The following WNT1 variants were observed in gnomAD, a reference collection of about 807,000 sequenced individuals.
WNT1 encodes Wnt family member 1.
A neutral mutation model predicts 21.3 loss-of-function variants in WNT1; 10 were observed. The ratio of observed to expected loss-of-function variants is 0.47; its 90% CI spans 0.29 to 0.80. The LOEUF (loss-of-function observed/expected upper bound fraction) is 0.80, where lower values mean the gene tolerates loss of function less well. Among genes scored for constraint, WNT1 ranks in the 30% least tolerant of loss-of-function variants. The probability of loss-of-function intolerance (pLI) is 0.09; values close to 1 mark genes in which losing one functional copy is unlikely to be tolerated. For synonymous variants in WNT1, 208 were observed against 236.3 expected (o/e 0.88, Z 1.10); for missense variants, 476 against 534.1 (o/e 0.89, Z 1.07).
Position 48,979,422 on chromosome 12 carries a change from G to A in WNT1, c.105-46G>A, listed in dbSNP as rs1940980700. 6.4e-7 allele frequency: 1 copy of A among 1,553,976 alleles called. No homozygotes were observed. The highest frequency in any genetic ancestry group is 8.7e-7 in the Non-Finnish European group (1 of 1,145,578). On this transcript the variant is annotated intron_variant, in intron 1 of 3. Coordinates refer to ENST00000293549, the MANE Select transcript of WNT1 (RefSeq NM_005430.4). The surrounding 1 kb of genome is among the most constrained non-coding windows in gnomAD (Gnocchi z 6.0). ...CGGGTGGCACAGTTTTTATGGTTAG[G>A]GTGCGGATCCCCTTCCTGAGCCTGA...
chr12:48,981,794 C>A lies in WNT1; in HGVS notation c.*154C>A. ...ATCCCATCTCTCCCACTTCCTCCTA[C>A]CTGGGGACTCCTCAAACCACTTGCC... On this transcript the variant is annotated 3_prime_UTR_variant, in exon 4 of 4. Transcript: ENST00000293549. The surrounding 1 kb of genome is among the most constrained non-coding windows in gnomAD (Gnocchi z 7.4). 1 of 1,108,992 alleles carries A rather than the reference C, an allele frequency of 9.0e-7. No homozygotes were observed. The highest frequency in any genetic ancestry group is 1.2e-6 in the Non-Finnish European group (1 of 825,876). 68.7% of individuals were successfully genotyped at this position (1,108,992 alleles called of 1,614,324 possible).
In WNT1 at chr12:48,979,578, T is replaced by C. The variant is rs977301761; in HGVS notation, c.215T>C (p.Ile72Thr). 5 of 1,614,172 alleles carry C rather than the reference T, an allele frequency of 3.1e-6. No individual in the cohort carries two copies. The highest frequency in any genetic ancestry group is 4.2e-6 in the Non-Finnish European group (5 of 1,180,046). ...TTGAGCCGCAAACAGCGGCGTCTGA[T>C]ACGCCAAAATCCGGGGATCCTGCAC... ...QLLSRKQRRL[I>T]RQNPGILHSV... The change falls in exon 2 of 4, where the codon ATA becomes ACA. Residue 72 changes from isoleucine (I) to threonine (T), a missense_variant. By Grantham distance (89) the Ile-to-Thr change is moderately conservative (BLOSUM62 -1). Coordinates refer to ENST00000293549, the MANE Select transcript of WNT1 (RefSeq NM_005430.4). The surrounding 1 kb of genome is among the most constrained non-coding windows in gnomAD (Gnocchi z 6.0).
In WNT1 at chr12:48,980,391, C is replaced by T. The variant is rs748901760; in HGVS notation, c.359-33C>T. ...AGGGTGCTGGCCGCGCCCCGCGTAC[C>T]CCCTCGCTGATCCCCGCTCCCTTCT... On this transcript the variant is annotated intron_variant, in intron 2 of 3. Transcript: ENST00000293549. The surrounding 1 kb of genome is among the most constrained non-coding windows in gnomAD (Gnocchi z 7.0). 6.2e-7 allele frequency: 1 copy of T among 1,613,442 alleles called. No individual in the cohort carries two copies. The highest frequency in any genetic ancestry group is 1.1e-5 in the South Asian group (1 of 91,004).
Position 48,981,014 on chromosome 12 carries a change from G to A in WNT1, c.625-138G>A. 7.2e-7 allele frequency: 1 copy of A among 1,384,424 alleles called. No homozygotes were observed. Among genetic ancestry groups the A allele is most frequent in the Non-Finnish European group, 9.6e-7 (1 of 1,037,858 alleles). 85.8% of individuals were successfully genotyped at this position (1,384,424 alleles called of 1,614,324 possible). A position where few individuals can be genotyped will look rare whatever the true frequency, so the allele number is the denominator to read the frequency against. ...TCCAAATCTCAGCGGAACATTTCGC[G>A]CCTCCCTTCCCCTGGGCTCAGCTAG... On this transcript the variant is annotated intron_variant, in intron 3 of 3. Transcript: ENST00000293549. This position sits in a 1 kb window ranked among gnomAD's most constrained non-coding sequence, Gnocchi z 7.4.
Position 48,981,241 on chromosome 12 carries a change from G to C in WNT1, c.714G>C (p.Thr238=). The change falls in exon 4 of 4, where the codon ACG becomes ACC. Residue 238 remains threonine, a synonymous_variant. Transcript: ENST00000293549. This position sits in a 1 kb window ranked among gnomAD's most constrained non-coding sequence, Gnocchi z 7.4. ...TVRTCWMRLP[T]LRAVGDVLRD... Reference sequence around the variant, plus strand: ...GCACGTGCTGGATGCGGCTGCCCACGCTGCGCGCCGTGGGCGATGTGCTGC... The same window carrying C: ...GCACGTGCTGGATGCGGCTGCCCACCCTGCGCGCCGTGGGCGATGTGCTGC... 6.2e-7 allele frequency: 1 copy of C among 1,609,428 alleles called. No homozygotes were observed. The highest frequency in any genetic ancestry group is 8.5e-7 in the Non-Finnish European group (1 of 1,178,196).
Position 48,978,397 on chromosome 12 carries a change from C to G in WNT1, c.-254C>G, listed in dbSNP as rs1033330803. On this transcript the variant is annotated 5_prime_UTR_variant, in exon 1 of 4. Coordinates refer to ENST00000293549, the MANE Select transcript of WNT1 (RefSeq NM_005430.4). The surrounding 1 kb of genome is among the most constrained non-coding windows in gnomAD (Gnocchi z 7.4). ...ACCGGTGCGCCCTGGTGCCACAGTG[C>G]GGCCCGGAGGGGCAGCCTCCTCCCG... 7 of 539,350 alleles carry G rather than the reference C, an allele frequency of 1.3e-5. No individual in the cohort carries two copies. The highest frequency in any genetic ancestry group is 2.3e-5 in the Non-Finnish European group (7 of 303,556). The allele number at this position is 539,350 out of a possible 1,614,324, so 33.4% of individuals were successfully genotyped here.
In WNT1 at chr12:48,978,772, G is replaced by A. The variant is rs374402651; in HGVS notation, c.104+18G>A. On this transcript the variant is annotated intron_variant, in intron 1 of 3. Transcript: ENST00000293549. The surrounding 1 kb of genome is among the most constrained non-coding windows in gnomAD (Gnocchi z 7.4). ...CGATGGTGGTAAGTGAGCTGGTGCGGGGTCGCCACTTGTCCCGCGGCACAG... is the reference window on the plus strand; with the variant it reads ...CGATGGTGGTAAGTGAGCTGGTGCGAGGTCGCCACTTGTCCCGCGGCACAG... 1 of 1,555,052 alleles carries A rather than the reference G, an allele frequency of 6.4e-7. No individual in the cohort carries two copies. The highest frequency in any genetic ancestry group is 2.3e-5 in the East Asian group (1 of 43,316).
In WNT1 at chr12:48,980,779, G is replaced by T; in HGVS notation, c.624+90G>T. On this transcript the variant is annotated intron_variant, in intron 3 of 3. Transcript: ENST00000293549. The surrounding 1 kb of genome is among the most constrained non-coding windows in gnomAD (Gnocchi z 7.0). Reference sequence around the variant, plus strand: ...GACGGTCGGTGAGATAAGGCAAGGGGCACCAGGAGAGGGCGTCCTGGGAGA... The same window carrying T: ...GACGGTCGGTGAGATAAGGCAAGGGTCACCAGGAGAGGGCGTCCTGGGAGA... 1 of 1,456,246 alleles carries T rather than the reference G, an allele frequency of 6.9e-7. No homozygotes were observed. Among genetic ancestry groups the T allele is most frequent in the Non-Finnish European group, 9.1e-7 (1 of 1,103,570 alleles). 90.2% of individuals were successfully genotyped at this position (1,456,246 alleles called of 1,614,324 possible). A position where few individuals can be genotyped will look rare whatever the true frequency, so the allele number is the denominator to read the frequency against.
At position 48,981,763 on chromosome 12, in the gene WNT1, A is replaced by G; in HGVS notation, c.*123A>G. On this transcript the variant is annotated 3_prime_UTR_variant, in exon 4 of 4. Transcript: ENST00000293549. This position sits in a 1 kb window ranked among gnomAD's most constrained non-coding sequence, Gnocchi z 7.4. ...CCTCCAGTCACACTCCCCGCGGTTCATACGCATCCCATCTCTCCCACTTCC... is the reference window on the plus strand; with the variant it reads ...CCTCCAGTCACACTCCCCGCGGTTCGTACGCATCCCATCTCTCCCACTTCC... 7.7e-7 allele frequency: 1 copy of G among 1,301,858 alleles called. No homozygotes were observed. The highest frequency in any genetic ancestry group is 1.0e-6 in the Non-Finnish European group (1 of 997,190). 80.6% of individuals were successfully genotyped at this position (1,301,858 alleles called of 1,614,324 possible).
Position 48,981,334 on chromosome 12 carries a change from G to T in WNT1, c.807G>T (p.Ala269=), listed in dbSNP as rs746112723. The change falls in exon 4 of 4, where the codon GCG becomes GCT. Residue 269 remains alanine, a synonymous_variant. Transcript: ENST00000293549. The surrounding 1 kb of genome is among the most constrained non-coding windows in gnomAD (Gnocchi z 7.4). ...GNRGSNRASR[A]ELLRLEPEDP... ...GCGGCAGCAACCGCGCTTCGCGGGCGGAGCTGCTGCGCCTGGAGCCGGAAG... is the reference window on the plus strand; with the variant it reads ...GCGGCAGCAACCGCGCTTCGCGGGCTGAGCTGCTGCGCCTGGAGCCGGAAG... 1.9e-6 allele frequency: 3 copies of T among 1,564,422 alleles called. No individual in the cohort carries two copies. Among genetic ancestry groups the T allele is most frequent in the East Asian group, 2.4e-5 (1 of 41,530 alleles).
Position 48,981,146 on chromosome 12 carries a change from C to G in WNT1, c.625-6C>G. The G allele has an allele frequency of 3.1e-6, 5 of 1,611,056 alleles. No individual in the cohort carries two copies. Among genetic ancestry groups the G allele is most frequent in the Non-Finnish European group, 3.4e-6 (4 of 1,179,204 alleles). The stretch of plus-strand genomic sequence containing the variant: ...TGGGACACTCTTTCTTCCCCTATCC[C>G]CGCAGACCGTATTCTCCGAGATGCG... On this transcript the variant is annotated splice_polypyrimidine_tract_variant and splice_region_variant and intron_variant, in intron 3 of 3. Coordinates refer to ENST00000293549, the MANE Select transcript of WNT1 (RefSeq NM_005430.4). The surrounding 1 kb of genome is among the most constrained non-coding windows in gnomAD (Gnocchi z 7.4).
Position 48,982,592 on chromosome 12 carries a change from C to A in WNT1, c.*952C>A, listed in dbSNP as rs962968841. ...CCCACCAGTGTAGCATCTTCCTCTG[C>A]AGAATAAAATCTCTATTTTTATCGA... is the stretch of plus-strand genomic sequence containing the variant. On this transcript the variant is annotated 3_prime_UTR_variant, in exon 4 of 4. Coordinates refer to ENST00000293549, the MANE Select transcript of WNT1 (RefSeq NM_005430.4). Among the ~76,000 whole-genome samples the A allele has an allele frequency of 9.2e-5, 14 of 152,204 alleles. No homozygotes were observed. The highest frequency in any genetic ancestry group is 3.4e-4 in the African/African-American group (14 of 41,446).
At position 48,979,628 on chromosome 12, in the gene WNT1, G is replaced by C; in HGVS notation, c.265G>C (p.Ala89Pro). ...CAGCGTGAGTGGGGGGCTGCAGAGT[G>C]CCGTGCGCGAGTGCAAGTGGCAGTT... ...LHSVSGGLQS[A>P]VRECKWQFRN... Residue 89 changes from alanine (A) to proline (P), a missense_variant, in exon 2 of 4, where the codon GCC becomes CCC. Transcript: ENST00000293549. This position sits in a 1 kb window ranked among gnomAD's most constrained non-coding sequence, Gnocchi z 6.0. The C allele has an allele frequency of 6.2e-7, 1 of 1,613,974 alleles. No homozygotes were observed. Among genetic ancestry groups the C allele is most frequent in the Non-Finnish European group, 8.5e-7 (1 of 1,179,968 alleles).
At position 48,980,247 on chromosome 12, in the gene WNT1, G is replaced by T. The variant is rs1021244897; in HGVS notation, c.359-177G>T. 6.6e-6 allele frequency among the ~76,000 whole-genome samples: 1 copy of T among 152,242 alleles called. No individual in the cohort carries two copies. Among genetic ancestry groups the T allele is most frequent in the East Asian group, 1.9e-4 (1 of 5,196 alleles). On this transcript the variant is annotated intron_variant, in intron 2 of 3. Coordinates refer to ENST00000293549, the MANE Select transcript of WNT1 (RefSeq NM_005430.4). The surrounding 1 kb of genome is among the most constrained non-coding windows in gnomAD (Gnocchi z 7.0). ...ATTACGCCCGTGGACGTGGCTGCGTGCCCACGCACCTGCTTTCTCTACTAG... is the reference window on the plus strand; with the variant it reads ...ATTACGCCCGTGGACGTGGCTGCGTTCCCACGCACCTGCTTTCTCTACTAG...
In WNT1 at chr12:48,982,001, G is replaced by A. The variant is rs550444100; in HGVS notation, c.*361G>A. On this transcript the variant is annotated 3_prime_UTR_variant, in exon 4 of 4. Coordinates refer to ENST00000293549, the MANE Select transcript of WNT1 (RefSeq NM_005430.4). ...TCATTCTGCCTGCTCCATCGCGCCAGCGACCTCTCTGCCTCTCTTCTTCCC... is the reference window on the plus strand; with the variant it reads ...TCATTCTGCCTGCTCCATCGCGCCAACGACCTCTCTGCCTCTCTTCTTCCC... Among the ~76,000 whole-genome samples the A allele has an allele frequency of 1.3e-5, 2 of 152,176 alleles. No homozygotes were observed. Among genetic ancestry groups the A allele is most frequent in the African/African-American group, 4.8e-5 (2 of 41,450 alleles).
Position 48,981,521 on chromosome 12 carries a change from A to AG in WNT1, c.998dup (p.His334ProfsTer135). The AG allele has an allele frequency of 6.5e-7, 1 of 1,546,734 alleles. No individual in the cohort carries two copies. Among genetic ancestry groups the AG allele is most frequent in the South Asian group, 1.2e-5 (1 of 84,014 alleles). On this transcript the variant is annotated frameshift_variant, in exon 4 of 4. Transcript: ENST00000293549. LOFTEE classifies it high-confidence loss of function. This position sits in a 1 kb window ranked among gnomAD's most constrained non-coding sequence, Gnocchi z 7.4. ...CGGCTGCGAGCTGCTCTGCTGCGGC[A>AG]GGGGCCACCGCACGCGCACGCAGCG...
At position 48,978,490 on chromosome 12, in the gene WNT1, C is replaced by A. The variant is rs986822373; in HGVS notation, c.-161C>A. On this transcript the variant is annotated 5_prime_UTR_variant, in exon 1 of 4. Coordinates refer to ENST00000293549, the MANE Select transcript of WNT1 (RefSeq NM_005430.4). This position sits in a 1 kb window ranked among gnomAD's most constrained non-coding sequence, Gnocchi z 7.4. ...GCCGTGGCCGCCTCAGCCCACCAGCCGGGACCGCGAGCCATGCTGTCCGCC... is the reference window on the plus strand; with the variant it reads ...GCCGTGGCCGCCTCAGCCCACCAGCAGGGACCGCGAGCCATGCTGTCCGCC... The A allele has an allele frequency of 1.3e-4, 79 of 615,308 alleles. No individual in the cohort carries two copies. The highest frequency in any genetic ancestry group is 1.2e-3 in the African/African-American group (63 of 52,742). 38.1% of individuals were successfully genotyped at this position (615,308 alleles called of 1,614,324 possible). A position where few individuals can be genotyped will look rare whatever the true frequency, so the allele number is the denominator to read the frequency against.
At position 48,979,421 on chromosome 12, in the gene WNT1, G is replaced by C. The variant is rs1592256852; in HGVS notation, c.105-47G>C. ...CCGGGTGGCACAGTTTTTATGGTTA[G>C]GGTGCGGATCCCCTTCCTGAGCCTG... On this transcript the variant is annotated intron_variant, in intron 1 of 3. Transcript: ENST00000293549. This position sits in a 1 kb window ranked among gnomAD's most constrained non-coding sequence, Gnocchi z 6.0. 1 of 1,553,108 alleles carries C rather than the reference G, an allele frequency of 6.4e-7. No homozygotes were observed. The highest frequency in any genetic ancestry group is 1.4e-5 in the African/African-American group (1 of 73,680).
chr12:48,981,638 T>A lies in WNT1; in HGVS notation c.1111T>A (p.Ter371ArgextTer64), dbSNP rs1286904699. The A allele has an allele frequency of 6.9e-7, 1 of 1,442,210 alleles. No homozygotes were observed. Among genetic ancestry groups the A allele is most frequent in the East Asian group, 2.7e-5 (1 of 37,646 alleles). 89.3% of individuals were successfully genotyped at this position (1,442,210 alleles called of 1,614,324 possible). A position where few individuals can be genotyped will look rare whatever the true frequency, so the allele number is the denominator to read the frequency against. ...THTRVLHECL[*>R] Reference sequence around the variant, plus strand: ...CACGCGCGTACTGCACGAGTGTCTGTGAGGCGCTGCGCGGACTCGCCCCCA... The same window carrying A: ...CACGCGCGTACTGCACGAGTGTCTGAGAGGCGCTGCGCGGACTCGCCCCCA... Residue 371 changes from the stop codon to arginine (R), a stop_lost, in exon 4 of 4, where the codon TGA (stop) becomes AGA (arginine). Transcript: ENST00000293549. The surrounding 1 kb of genome is among the most constrained non-coding windows in gnomAD (Gnocchi z 7.4).
Sources: gnomAD v4.1 joint callset for allele counts (sites outside exome capture counted in the v4.1 genomes callset) on GRCh38, gnomAD v4.1.1 for gene constraint, Gnocchi (gnomAD v3.1) non-coding constraint, MANE v1.5 for transcripts, NCBI Gene and HGNC (gene_info 2026-07-23, HGNC 2026-07-21) for gene names.